PAWR: variants seen among roughly 807,000 people sequenced by gnomAD.
PAWR encodes the protein PRKC apoptosis WT1 regulator protein.
PAWR carries 23 observed loss-of-function variants against 32.0 expected under a neutral mutation model. The ratio of observed to expected loss-of-function variants is 0.72; its 90% CI spans 0.52 to 1.02. The LOEUF is 1.02. Ranked by LOEUF, PAWR falls within the 50% of genes least tolerant of loss-of-function variation. The probability of loss-of-function intolerance (pLI) is 0.00; values close to 1 mark genes in which losing one functional copy is unlikely to be tolerated. For missense variants in PAWR, 457 were observed against 437.7 expected (o/e 1.04, Z -0.39); for synonymous variants, 226 against 187.1 (o/e 1.21, Z -1.70).
chr12:79,650,714 T>TA (rs34166197), intron 2 of PAWR, among the ~76,000 whole-genome samples: 8,542 of 112,960 alleles, frequency 0.076, 639 homozygotes, highest in East Asian at 0.26. Context: ...TAAAGGTTAT[T>TA]AAAAAAAAAA....
At chr12:79,600,541 T>C (rs1873919029) in intron 4 of PAWR, among the ~76,000 whole-genome samples, 1 of 151,760 alleles carries the variant, frequency 6.6e-6, no homozygotes, top group Non-Finnish European at 1.5e-5. Flanking sequence ...GGTGCCACCA[T>C]GGCTCACTGC....
rs943346304 is a variant in PAWR, at chr12:79,587,758, C to CGTAA, written c.*4848_*4849insTTAC. 6.6e-6 allele frequency: 1 copy of CGTAA among 151,542 alleles called. No homozygotes were observed. Among genetic ancestry groups the CGTAA allele is most frequent in the African/African-American group, 2.4e-5 (1 of 41,298 alleles). The allele number at this position is 151,542 out of a possible 1,614,324, so 9.4% of individuals were successfully genotyped here. ...AGTAAAACTCATAGTCAGGATTTTA[C>CGTAA]TGATAGTACAGGAAGAAAAAAAATA... On this transcript the variant is annotated 3_prime_UTR_variant, in exon 7 of 7. Transcript: ENST00000328827.
intron 5 of PAWR, among the ~76,000 whole-genome samples, chr12:79,595,111 T>G (rs1873701339): frequency 6.6e-6 from 1 of 152,196 alleles, no homozygotes; most frequent in African/African-American, 2.4e-5. Context: ...AAATTAATTT[T>G]TCTTAAAAAT....
Position 79,690,335 on chromosome 12 carries a change from G to A in PAWR, c.-91C>T. On this transcript the variant is annotated 5_prime_UTR_variant, in exon 2 of 7. Coordinates refer to ENST00000328827, the MANE Select transcript of PAWR (RefSeq NM_002583.4). ...TCTTCCTTCCTGCGGCCCCGAGGATGCCAGGAGACGACCTCCAGGAGAGGG... is the reference window on the plus strand; with the variant it reads ...TCTTCCTTCCTGCGGCCCCGAGGATACCAGGAGACGACCTCCAGGAGAGGG... The A allele has an allele frequency of 7.4e-7, 1 of 1,358,344 alleles. No individual in the cohort carries two copies. Among genetic ancestry groups the A allele is most frequent in the Non-Finnish European group, 9.4e-7 (1 of 1,059,524 alleles). The allele number at this position is 1,358,344 out of a possible 1,614,324, so 84.1% of individuals were successfully genotyped here.
intron 2 of PAWR, among the ~76,000 whole-genome samples, chr12:79,635,272 CAAGTCTCTA>C (rs1485425256): frequency 6.6e-6 from 1 of 152,082 alleles, no homozygotes; most frequent in Non-Finnish European, 1.5e-5. Flanking sequence ...GTCTCTGGGG[CAAGTCTCTA>C]CTTTGGCCAT....
intron 2 of PAWR, among the ~76,000 whole-genome samples, chr12:79,621,609 T>C (rs952931929): frequency 2.0e-5 from 3 of 152,138 alleles, no homozygotes; most frequent in Non-Finnish European, 4.4e-5. Flanking sequence ...TATATATAGA[T>C]AGATAGATAA....
chr12:79,660,712 T>C (rs1303217064), intron 2 of PAWR, among the ~76,000 whole-genome samples: 2 of 151,030 alleles, frequency 1.3e-5, no homozygotes, highest in East Asian at 4.0e-4. Flanking sequence ...GTCTCCCGAG[T>C]AGCTGGGACT....
chr12:79,628,925 A>G (rs1414220736), intron 2 of PAWR, among the ~76,000 whole-genome samples: 1 of 152,148 alleles, frequency 6.6e-6, no homozygotes, highest in Non-Finnish European at 1.5e-5. Context: ...GCATGGTATA[A>G]TATTACATAA....
In PAWR at chr12:79,653,631, C is replaced by T. The variant is rs572901026; in HGVS notation, c.517-32424G>A. 7.2e-5 allele frequency among the ~76,000 whole-genome samples: 11 copies of T among 152,248 alleles called. No individual in the cohort carries two copies. In the East Asian group the frequency reaches 2.1e-3, roughly 29 times the overall value. ...AGTAGCTGGGATTACAGGCATGCGC[C>T]ACCACGCCAGGCTAATTTTGTACTT... is the stretch of plus-strand genomic sequence containing the variant. On this transcript the variant is annotated intron_variant, in intron 2 of 6. Transcript: ENST00000328827.
chr12:79,594,388 T>C lies in PAWR; in HGVS notation c.877A>G (p.Met293Val). ...CCAATCATTTCCTCTTTATCTTGCATCAGTCTCACAAGTCTTAGGTTTTCT... is the reference window on the plus strand; with the variant it reads ...CCAATCATTTCCTCTTTATCTTGCACCAGTCTCACAAGTCTTAGGTTTTCT... ...RQENLRLVRLMQDKEEMIGKL... is the reference protein window; with the variant it reads ...RQENLRLVRLVQDKEEMIGKL... Residue 293 changes from methionine to valine, a missense_variant, in exon 6 of 7, where the codon ATG (methionine) becomes GTG (valine). Physicochemically the swap from Met to Val is conservative, Grantham distance 21. Transcript: ENST00000328827. 1 of 1,569,862 alleles carries C rather than the reference T, an allele frequency of 6.4e-7. No homozygotes were observed. Among genetic ancestry groups the C allele is most frequent in the Non-Finnish European group, 8.7e-7 (1 of 1,146,872 alleles).
intron 2 of PAWR, among the ~76,000 whole-genome samples, chr12:79,680,089 T>C (rs1184410160): frequency 6.6e-6 from 1 of 152,244 alleles, no homozygotes; most frequent in African/African-American, 2.4e-5. Context: ...CTATAACATT[T>C]GTTTAGAAAA....
At chr12:79,641,952 G>A (rs185074591) in intron 2 of PAWR, among the ~76,000 whole-genome samples, 1 of 149,796 alleles carries the variant, frequency 6.7e-6, no homozygotes, top group East Asian at 2.0e-4. Flanking sequence ...TATTTGAGAT[G>A]CTACAAGGGG....
chr12:79,622,997 T>C (rs2136720872), intron 2 of PAWR, among the ~76,000 whole-genome samples: 1 of 152,290 alleles, frequency 6.6e-6, no homozygotes, highest in Non-Finnish European at 1.5e-5. Context: ...TAGCTTGGAA[T>C]GATGTTACAA....
intron 2 of PAWR, among the ~76,000 whole-genome samples, chr12:79,635,800 G>A (rs114397196): frequency 9.9e-5 from 15 of 152,078 alleles, no homozygotes; most frequent in African/African-American, 3.1e-4. Context: ...ACTTTGCTTG[G>A]GGCAACAGAT....
chr12:79,637,657 G>A (rs1474898342), intron 2 of PAWR, among the ~76,000 whole-genome samples: 3 of 151,454 alleles, frequency 2.0e-5, no homozygotes, highest in Admixed American at 1.3e-4. Context: ...AGAAAGAAAC[G>A]TATTAATCTA....
At chr12:79,637,320 C>A (rs1252772200) in intron 2 of PAWR, among the ~76,000 whole-genome samples, 1 of 152,100 alleles carries the variant, frequency 6.6e-6, no homozygotes, top group Non-Finnish European at 1.5e-5. Context: ...CACTCATTTT[C>A]TTCAGGGAGA....
intron 2 of PAWR, among the ~76,000 whole-genome samples, chr12:79,630,493 G>A (rs532253406): frequency 2.1e-3 from 315 of 152,160 alleles, no homozygotes; most frequent in Non-Finnish European, 3.5e-3. Context: ...ATAAGAGACG[G>A]GGTTTCGTCA....
chr12:79,649,338 A>G (rs1038243378), intron 2 of PAWR, among the ~76,000 whole-genome samples: 3 of 152,156 alleles, frequency 2.0e-5, no homozygotes, highest in Non-Finnish European at 2.9e-5. Flanking sequence ...TCTTTATGTT[A>G]AGGACATTTA....
intron 2 of PAWR, among the ~76,000 whole-genome samples, chr12:79,670,137 G>A (rs1348133647): frequency 2.6e-5 from 4 of 152,128 alleles, no homozygotes; most frequent in African/African-American, 9.7e-5. Flanking sequence ...GTATTCATTC[G>A]TTGCACCACA....
Sources: gnomAD v4.1 joint callset for allele counts (sites outside exome capture counted in the v4.1 genomes callset) on GRCh38, gnomAD v4.1.1 for gene constraint, MANE v1.5 for transcripts, NCBI Gene and HGNC (gene_info 2026-07-23, HGNC 2026-07-21) for gene names.